NEK5: variants seen among roughly 807,000 people sequenced by gnomAD.
The protein encoded by NEK5 is NIMA related kinase 5.
NEK5 carries 88 observed loss-of-function variants against 109.2 expected under a neutral mutation model. The ratio of observed to expected loss-of-function variants is 0.81; its 90% CI spans 0.68 to 0.96. NEK5 has a LOEUF of 0.96. NEK5 is among the 40% of genes least tolerant of loss of function. NEK5 has a pLI of 0.00. For missense variants in NEK5, 834 were observed against 920.7 expected, an observed-to-expected ratio of 0.91 and a Z score of 1.22; for synonymous variants, 283 against 299.9, an observed-to-expected ratio of 0.94 and a Z score of 0.58.
chr13:52,053,661 C>T (rs1050622552), intron 22 of NEK5, among the ~76,000 whole-genome samples: 2 of 152,104 alleles, frequency 1.3e-5, no homozygotes, highest in Non-Finnish European at 2.9e-5. Flanking sequence ...CCCAGACAAG[C>T]CCGAGATGGT....
intron 4 of NEK5, among the ~76,000 whole-genome samples, chr13:52,115,266 T>G (rs192961455): frequency 2.5e-3 from 375 of 151,786 alleles, no homozygotes; most frequent in Non-Finnish European, 3.7e-3. Flanking sequence ...CTCCCAAAGT[T>G]CTGGGATTAC....
chr13:52,106,535 G>A (rs1436338908), intron 8 of NEK5, among the ~76,000 whole-genome samples: 1 of 152,234 alleles, frequency 6.6e-6, no homozygotes, highest in East Asian at 1.9e-4. Context: ...AGAGGCTGAG[G>A]CGGGCAGATC....
intron 12 of NEK5, among the ~76,000 whole-genome samples, chr13:52,094,714 C>T (rs1251827225): frequency 6.6e-6 from 1 of 152,188 alleles, no homozygotes; most frequent in East Asian, 1.9e-4. Context: ...GCGGAGCTTG[C>T]AGTGAGCCAA....
intron 22 of NEK5, among the ~76,000 whole-genome samples, chr13:52,057,558 T>G (rs1954570958): frequency 6.6e-6 from 1 of 152,222 alleles, no homozygotes; most frequent in East Asian, 1.9e-4. Flanking sequence ...AATAAAATAC[T>G]GGCAAACCGA....
intron 17 of NEK5, among the ~76,000 whole-genome samples, chr13:52,079,074 C>T (rs1173912646): frequency 6.6e-6 from 1 of 152,044 alleles, no homozygotes; most frequent in East Asian, 1.9e-4. Context: ...CTTGGAAATG[C>T]TGTGGAAATA....
At position 52,065,521 on chromosome 13, in the gene NEK5, C is replaced by CACTGCCATCATCTGCAGCA. The variant is rs1954673786; in HGVS notation, c.1919_1937dup (p.Asp648AlafsTer17). On this transcript the variant is annotated frameshift_variant, in exon 21 of 24. Transcript: ENST00000684899. LOFTEE classifies it high-confidence loss of function. ...TGGGGCAGGTGGAGGTGATGTCGGC[C>CACTGCCATCATCTGCAGCA]ACTGCCATCATCTGCAGCAGAGTCT... 6.2e-7 allele frequency: 1 copy of CACTGCCATCATCTGCAGCA among 1,613,298 alleles called. No homozygotes were observed. The highest frequency in any genetic ancestry group is 8.5e-7 in the Non-Finnish European group (1 of 1,179,306).
rs4497567 is a variant in NEK5 at position 52,065,162 on chromosome 13, C to A, written c.1975+322G>T. 0.62 allele frequency: 250,640 copies of A among 407,524 alleles called. 81,796 individuals are homozygous for A. The highest frequency in any genetic ancestry group is 0.7 in the Non-Finnish European group (158,964 of 227,358). The allele number at this position is 407,524 out of a possible 1,614,324, so 25.2% of individuals were successfully genotyped here. A position where few individuals can be genotyped will look rare whatever the true frequency, so the allele number is the denominator to read the frequency against. On this transcript the variant is annotated intron_variant, in intron 21 of 23. Transcript: ENST00000684899. ...AAAAAAAAATGACCCTATGAAATCG[C>A]AAAAAAAGTTGTTGAGCTGGCCTTG...
intron 20 of NEK5, among the ~76,000 whole-genome samples, chr13:52,070,779 CATAAGCAA>C (rs1197757797): frequency 1.3e-5 from 2 of 152,134 alleles, no homozygotes; most frequent in Non-Finnish European, 2.9e-5. Context: ...AAGAAGGTCA[CATAAGCAA>C]ATAAGGCAAT....
chr13:52,056,356 T>C (rs1954555053), intron 22 of NEK5, among the ~76,000 whole-genome samples: 1 of 151,998 alleles, frequency 6.6e-6, no homozygotes, highest in Non-Finnish European at 1.5e-5. Context: ...TGGGAGACTT[T>C]AACACCCCAC....
At position 52,051,021 on chromosome 13, in the gene NEK5, G is replaced by C. The variant is rs73500123; in HGVS notation, c.2111-800C>G. ...GTGTGAGCCACCGTGCCCGGCCCTA[G>C]TGTTCGTTTTTTAATACCACAAAGA... On this transcript the variant is annotated intron_variant, in intron 22 of 23. Coordinates refer to ENST00000684899, the MANE Select transcript of NEK5 (RefSeq NM_001365552.1). Among the ~76,000 whole-genome samples the C allele has an allele frequency of 4.8e-3, 719 of 149,304 alleles. 5 individuals are homozygous for C. The highest frequency in any genetic ancestry group is 0.016 in the African/African-American group (648 of 40,824).
intron 23 of NEK5, among the ~76,000 whole-genome samples, chr13:52,039,298 G>A (rs1954394628): frequency 6.6e-6 from 1 of 152,140 alleles, no homozygotes; most frequent in South Asian, 2.1e-4. Flanking sequence ...CTGATACACT[G>A]GGAAGGAAGC....
At position 52,110,571 on chromosome 13, in the gene NEK5, C is replaced by T. The variant is rs563828541; in HGVS notation, c.319G>A (p.Gly107Ser). 45 of 1,606,340 alleles carry T rather than the reference C, an allele frequency of 2.8e-5. No homozygotes were observed. Among genetic ancestry groups the T allele is most frequent in the South Asian group, 6.6e-5 (6 of 90,648 alleles). ...CCTAGAGAAATCTGTACAAACCAAC[C>T]GAGGATCTATAGAGAGAACACAAAA... ...GVLFSEDQIL[G>S]WFVQISLGLK... Residue 107 changes from glycine (G) to serine (S), a missense_variant, in exon 6 of 24, where the codon GGT becomes AGT. Around this residue, in one of 2 missense-constraint regions of NEK5, gnomAD observed 777 missense variants for 824.7 expected, o/e 0.94. Transcript: ENST00000684899.
intron 12 of NEK5, among the ~76,000 whole-genome samples, chr13:52,095,110 A>G (rs534076443): frequency 2.0e-5 from 3 of 152,116 alleles, no homozygotes; most frequent in African/African-American, 7.2e-5. Context: ...TTTTAATTTT[A>G]CTTTTTGTAG....
Position 52,129,066 on chromosome 13 carries a change from G to T in NEK5, c.-128C>A, listed in dbSNP as rs1274174950. On this transcript the variant is annotated 5_prime_UTR_variant, in exon 1 of 24. Coordinates refer to ENST00000684899, the MANE Select transcript of NEK5 (RefSeq NM_001365552.1). ...CTCCGCGGGGCCAACGAAGCGTCCC[G>T]GAAGGATCCGGGTTCCCGGGGCCGC... is the stretch of plus-strand genomic sequence containing the variant. 6.6e-6 allele frequency: 1 copy of T among 152,366 alleles called. No individual in the cohort carries two copies. The highest frequency in any genetic ancestry group is 2.4e-5 in the African/African-American group (1 of 41,470). The allele number at this position is 152,366 out of a possible 1,614,324, so 9.4% of individuals were successfully genotyped here.
intron 17 of NEK5, among the ~76,000 whole-genome samples, chr13:52,080,177 GC>G (rs1412792900): frequency 6.7e-6 from 1 of 150,124 alleles, no homozygotes; most frequent in Admixed American, 6.6e-5. Flanking sequence ...GTGGGGGTCA[GC>G]CCCCGCCAGG....
In NEK5 at chr13:52,064,478, G is replaced by A. The variant is rs758159875; in HGVS notation, c.1975+1006C>T. ...GGGTCAGCCCCCCGCCCGGCCAGCCGCCCCGTCTGGGAGGGAGGTGGGGGG... is the reference window on the plus strand; with the variant it reads ...GGGTCAGCCCCCCGCCCGGCCAGCCACCCCGTCTGGGAGGGAGGTGGGGGG... On this transcript the variant is annotated intron_variant, in intron 21 of 23. Coordinates refer to ENST00000684899, the MANE Select transcript of NEK5 (RefSeq NM_001365552.1). 5.7e-3 allele frequency among the ~76,000 whole-genome samples: 828 copies of A among 145,532 alleles called. 8 individuals are homozygous for A. Among genetic ancestry groups the A allele is most frequent in the African/African-American group, 0.018 (728 of 39,700 alleles).
At chr13:52,110,826 C>T (rs1278773262) in intron 5 of NEK5, among the ~76,000 whole-genome samples, 1 of 152,036 alleles carries the variant, frequency 6.6e-6, no homozygotes, top group African/African-American at 2.4e-5. Context: ...AGGGAAATTC[C>T]ACATGCAGAA....
chr13:52,085,378 A>G (rs1955121972), intron 16 of NEK5, among the ~76,000 whole-genome samples: 3 of 152,226 alleles, frequency 2.0e-5, no homozygotes, highest in African/African-American at 7.2e-5. Flanking sequence ...CTTTATTAGC[A>G]GTATGAGAGC....
intron 21 of NEK5, chr13:52,065,226 T>C: frequency 1.9e-6 from 1 of 532,246 alleles, no homozygotes; most frequent in Non-Finnish European, 3.4e-6. Flanking sequence ...TCACGCATTT[T>C]CCCTCACTCT....
Sources: gnomAD v4.1 joint callset for allele counts (sites outside exome capture counted in the v4.1 genomes callset) on GRCh38, gnomAD v4.1.1 for gene constraint, gnomAD v4.1.1 regional missense constraint, MANE v1.5 for transcripts, NCBI Gene and HGNC (gene_info 2026-07-23, HGNC 2026-07-21) for gene names.